The following IGSF21 variants were observed in gnomAD, a reference collection of about 807,000 sequenced individuals.
The protein encoded by IGSF21 is immunoglobin superfamily member 21.
Under a neutral mutation model 46.8 loss-of-function variants are expected in IGSF21, and 28 were observed. The ratio of observed to expected loss-of-function variants is 0.60; its 90% CI spans 0.44 to 0.82. The LOEUF (loss-of-function observed/expected upper bound fraction) is 0.82, where lower values mean the gene tolerates loss of function less well. Ranked by LOEUF, IGSF21 falls within the 40% of genes least tolerant of loss-of-function variation. The pLI is 0.00. For synonymous variants in IGSF21, 284 were observed against 273.6 expected (o/e 1.04, Z -0.38); for missense variants, 624 against 665.5 (o/e 0.94, Z 0.69).
intron 5 of IGSF21, among the ~76,000 whole-genome samples, chr1:18,362,758 A>G (rs4920485): frequency 0.27 from 41,669 of 152,054 alleles, 6,747 homozygotes; most frequent in East Asian, 0.4. Flanking sequence ...GAGAGAGGAA[A>G]TTCCTTTTTG....
chr1:18,316,559 C>G (rs767881130), intron 3 of IGSF21, among the ~76,000 whole-genome samples: 11 of 152,188 alleles, frequency 7.2e-5, no homozygotes, highest in Non-Finnish European at 1.3e-4. Flanking sequence ...TAGCAGGTCC[C>G]TAATGCAACC....
chr1:18,172,732 T>C (rs1243850522), intron 1 of IGSF21, among the ~76,000 whole-genome samples: 2 of 152,204 alleles, frequency 1.3e-5, no homozygotes, highest in Admixed American at 6.5e-5. Context: ...CTTCAACATA[T>C]GAACTTGGGA....
At chr1:18,378,234 C>G in intron 9 of IGSF21, 22 bp from the exon 10 acceptor site, 1 of 1,611,748 alleles carries the variant, frequency 6.2e-7, no homozygotes, top group Non-Finnish European at 8.5e-7. Context: ...GGCTCTGACC[C>G]TTTCCCTGAT....
At chr1:18,135,010 C>T (rs549688306) in intron 1 of IGSF21, among the ~76,000 whole-genome samples, 2 of 152,332 alleles carry the variant, frequency 1.3e-5, no homozygotes, top group Admixed American at 6.5e-5. Context: ...CATCAGCCCA[C>T]GCCATCCTCC....
At chr1:18,179,709 T>C (rs1570308274) in intron 1 of IGSF21, among the ~76,000 whole-genome samples, 1 of 151,756 alleles carries the variant, frequency 6.6e-6, no homozygotes, top group South Asian at 2.1e-4. Flanking sequence ...GGCTTGGGGG[T>C]GAGGGTCTCC....
At position 18,228,293 on chromosome 1, in the gene IGSF21, C is replaced by T. The variant is rs2084590170; in HGVS notation, c.183+283C>T. On this transcript the variant is annotated intron_variant, in intron 2 of 9. Coordinates refer to ENST00000251296, the MANE Select transcript of IGSF21 (RefSeq NM_032880.5). ...GGCAAAGTAGAAGTTACTGAGAACA[C>T]CCTGGACCCTGGGCACAGTGTAATC... Among the ~76,000 whole-genome samples, 4 of 152,176 alleles carry T rather than the reference C, an allele frequency of 2.6e-5. No individual in the cohort carries two copies. The South Asian group carries it at 8.3e-4, about 32-fold the overall frequency.
chr1:18,371,708 G>A (rs72938795), intron 6 of IGSF21, among the ~76,000 whole-genome samples: 3,982 of 152,268 alleles, frequency 0.026, 177 homozygotes, highest in African/African-American at 0.089. Flanking sequence ...TATGAAGAAT[G>A]GAAATTGACT....
chr1:18,347,160 C>T (rs1415560473), intron 4 of IGSF21, among the ~76,000 whole-genome samples: 2 of 151,822 alleles, frequency 1.3e-5, no homozygotes, highest in South Asian at 2.1e-4. Context: ...GCTTCTAGAA[C>T]CCTCCCTCCC....
intron 4 of IGSF21, among the ~76,000 whole-genome samples, chr1:18,356,653 G>C (rs1462287437): frequency 6.6e-6 from 1 of 152,232 alleles, no homozygotes; most frequent in Non-Finnish European, 1.5e-5. Flanking sequence ...CCAGGCATAG[G>C]ACACATAAAA....
chr1:18,268,619 C>T (rs529484048), intron 2 of IGSF21, among the ~76,000 whole-genome samples: 7 of 152,298 alleles, frequency 4.6e-5, no homozygotes, highest in East Asian at 3.9e-4. Context: ...ATCTCTCCTC[C>T]GGCCCTAAGG....
intron 5 of IGSF21, among the ~76,000 whole-genome samples, chr1:18,364,997 G>T (rs888522152): frequency 1.3e-5 from 2 of 152,170 alleles, no homozygotes; most frequent in African/African-American, 2.4e-5. Flanking sequence ...TAAATGATGG[G>T]ATTGGGCTAA....
chr1:18,145,095 C>T (rs1179365448), intron 1 of IGSF21, among the ~76,000 whole-genome samples: 3 of 152,180 alleles, frequency 2.0e-5, no homozygotes, highest in African/African-American at 4.8e-5. Flanking sequence ...AAGAAAATAG[C>T]ATGACTCAGA....
At chr1:18,201,967 C>A (rs1412912615) in intron 1 of IGSF21, among the ~76,000 whole-genome samples, 2 of 152,132 alleles carry the variant, frequency 1.3e-5, no homozygotes, top group Non-Finnish European at 2.9e-5. Flanking sequence ...CGTTCCTGAC[C>A]CTCTTCTCCC....
In IGSF21 at chr1:18,120,604, T is replaced by C. The variant is rs72942354; in HGVS notation, c.70+12406T>C. ...GTGGCGATGGTGCAATGAGACAACA[T>C]ATGTATAGCTAATGATTGGTAGCTA... is the stretch of plus-strand genomic sequence containing the variant. On this transcript the variant is annotated intron_variant, in intron 1 of 9. Coordinates refer to ENST00000251296, the MANE Select transcript of IGSF21 (RefSeq NM_032880.5). Among the ~76,000 whole-genome samples the C allele has an allele frequency of 4.0e-3, 602 of 152,316 alleles. 2 individuals carry two copies. The highest frequency in any genetic ancestry group is 0.014 in the African/African-American group (579 of 41,562).
chr1:18,176,868 C>A (rs1270968185), intron 1 of IGSF21, among the ~76,000 whole-genome samples: 1 of 152,198 alleles, frequency 6.6e-6, no homozygotes, highest in African/African-American at 2.4e-5. Context: ...GGACAACAGG[C>A]CAGCTGTGAC....
chr1:18,344,804 C>T (rs987452458), intron 4 of IGSF21, among the ~76,000 whole-genome samples: 2 of 152,176 alleles, frequency 1.3e-5, no homozygotes, highest in African/African-American at 4.8e-5. Flanking sequence ...TGATCAGCTC[C>T]TTCCTCTGTC....
intron 1 of IGSF21, among the ~76,000 whole-genome samples, chr1:18,196,732 C>T (rs2087013024): frequency 6.6e-6 from 1 of 152,212 alleles, no homozygotes; most frequent in African/African-American, 2.4e-5. Flanking sequence ...AGGGAAGTGA[C>T]TTGCCCAAGG....
At chr1:18,208,797 A>G (rs1201596909) in intron 1 of IGSF21, among the ~76,000 whole-genome samples, 12 of 152,150 alleles carry the variant, frequency 7.9e-5, no homozygotes, top group African/African-American at 2.9e-4. Context: ...AGTGGATTGC[A>G]ATATTTCACA....
At chr1:18,131,460 G>A (rs2086321234) in intron 1 of IGSF21, among the ~76,000 whole-genome samples, 1 of 152,212 alleles carries the variant, frequency 6.6e-6, no homozygotes, top group Non-Finnish European at 1.5e-5. Context: ...TCACATCTCT[G>A]ATGTTATGAC....
Sources: allele counts gnomAD v4.1 joint callset (sites outside exome capture counted in the v4.1 genomes callset), GRCh38; gene constraint gnomAD v4.1.1; transcripts MANE v1.5; gene names NCBI Gene and HGNC (gene_info 2026-07-23, HGNC 2026-07-21).